The following MAD1L1 variants were observed in gnomAD, a reference collection of about 807,000 sequenced individuals.
The protein encoded by MAD1L1 is mitotic spindle assembly checkpoint protein MAD1.
Under a neutral mutation model 96.9 loss-of-function variants are expected in MAD1L1, and 95 were observed. That is an observed-to-expected ratio of 0.98 (90% CI 0.83 to 1.16). The LOEUF (loss-of-function observed/expected upper bound fraction) is 1.16. Among genes scored for constraint, MAD1L1 ranks in the 50% most tolerant of loss-of-function variants. MAD1L1 has a pLI of 0.00. For missense variants in MAD1L1, 1,007 were observed against 954.4 expected (o/e 1.06, Z -0.73); for synonymous variants, 473 against 396.6 (o/e 1.19, Z -2.29).
chr7:2,019,668 C>G (rs557785440), intron 12 of MAD1L1, among the ~76,000 whole-genome samples: 5 of 152,116 alleles, frequency 3.3e-5, no homozygotes, highest in East Asian at 1.9e-4. Context: ...AGCCACCCCC[C>G]ACACAAGGCC....
intron 17 of MAD1L1, among the ~76,000 whole-genome samples, chr7:1,900,747 T>A (rs181582295): frequency 6.6e-6 from 1 of 151,428 alleles, no homozygotes; most frequent in East Asian, 1.9e-4. Flanking sequence ...AGGGGAAGAA[T>A]TAGATTTTGG....
intron 12 of MAD1L1, among the ~76,000 whole-genome samples, chr7:2,066,271 G>T (rs1318040197): frequency 6.6e-6 from 1 of 152,208 alleles, no homozygotes; most frequent in Admixed American, 6.5e-5. Flanking sequence ...CACCCCAGCT[G>T]GGCGGGCTGC....
Position 1,815,973 on chromosome 7 carries a change from A to T in MAD1L1, c.*97T>A. On this transcript the variant is annotated 3_prime_UTR_variant, in exon 19 of 19. Coordinates refer to ENST00000265854, the MANE Select transcript of MAD1L1 (RefSeq NM_001013836.2). ...TCATGCTGCTGCCCTGTGGGGCTGG[A>T]GAGGCAGGACGTGCACCCAGCCTGT... 7.4e-7 allele frequency: 1 copy of T among 1,355,206 alleles called. No individual in the cohort carries two copies. The highest frequency in any genetic ancestry group is 9.9e-7 in the Non-Finnish European group (1 of 1,008,324). 83.9% of individuals were successfully genotyped at this position (1,355,206 alleles called of 1,614,324 possible).
chr7:2,065,127 C>T (rs750807415), intron 12 of MAD1L1, among the ~76,000 whole-genome samples: 3 of 152,244 alleles, frequency 2.0e-5, no homozygotes, highest in Non-Finnish European at 2.9e-5. Context: ...GCAGGAAGAA[C>T]ATGGAACTCT....
intron 11 of MAD1L1, among the ~76,000 whole-genome samples, chr7:2,137,245 A>C (rs1040838138): frequency 6.6e-6 from 1 of 152,228 alleles, no homozygotes; most frequent in Non-Finnish European, 1.5e-5. Context: ...AACAACATTC[A>C]AGTAGTATTC....
rs190799025 is a variant in MAD1L1 at position 1,975,550 on chromosome 7, G to A, written c.1505+4903C>T. The stretch of plus-strand genomic sequence containing the variant: ...TTGGCAGGCAGGGACTGTCTTTCCA[G>A]TTACCTCTATGTAGTTTCATGAGGG... On this transcript the variant is annotated intron_variant, in intron 15 of 18. Transcript: ENST00000265854. 6.6e-5 allele frequency among the ~76,000 whole-genome samples: 10 copies of A among 152,330 alleles called. No homozygotes were observed. In the East Asian group the frequency reaches 1.7e-3, roughly 26 times the overall value.
intron 10 of MAD1L1, among the ~76,000 whole-genome samples, chr7:2,206,577 TG>T (rs1397294244): frequency 5.3e-5 from 8 of 152,246 alleles, no homozygotes; most frequent in Non-Finnish European, 1.2e-4. Context: ...CTGGACACTT[TG>T]ACAACAATCA....
intron 12 of MAD1L1, among the ~76,000 whole-genome samples, chr7:2,020,949 G>C (rs1465659385): frequency 6.6e-6 from 1 of 151,966 alleles, no homozygotes; most frequent in African/African-American, 2.4e-5. Flanking sequence ...AACATATGCA[G>C]AAAGTATAGG....
intron 12 of MAD1L1, among the ~76,000 whole-genome samples, chr7:2,038,329 G>A (rs1371429140): frequency 6.6e-6 from 1 of 152,108 alleles, no homozygotes. Context: ...CCAGCTAAGA[G>A]CACCAATGAA....
intron 3 of MAD1L1, among the ~76,000 whole-genome samples, chr7:2,226,664 C>G (rs896458338): frequency 3.3e-5 from 5 of 152,290 alleles, no homozygotes; most frequent in Non-Finnish European, 5.9e-5. Context: ...AATGCAGAGT[C>G]GCAGACTACA....
At chr7:1,834,679 G>C (rs1056841395) in intron 18 of MAD1L1, among the ~76,000 whole-genome samples, 7 of 152,182 alleles carry the variant, frequency 4.6e-5, no homozygotes, top group South Asian at 2.1e-4. Flanking sequence ...CGATGAATTG[G>C]ATCAACTATT....
At chr7:2,002,044 C>T (rs957307025) in intron 14 of MAD1L1, 21 bp downstream of exon 14, 6 of 1,612,708 alleles carry the variant, frequency 3.7e-6, no homozygotes, top group African/African-American at 2.7e-5. Context: ...TGAATCCCAG[C>T]CACTCCCGCG....
chr7:2,184,117 T>C (rs989953879), intron 10 of MAD1L1, among the ~76,000 whole-genome samples: 4 of 151,864 alleles, frequency 2.6e-5, no homozygotes, highest in African/African-American at 9.7e-5. Context: ...CCAGGCGTGG[T>C]GGCGGGCGCC....
At chr7:2,132,006 C>T (rs1788532012) in intron 11 of MAD1L1, among the ~76,000 whole-genome samples, 1 of 152,182 alleles carries the variant, frequency 6.6e-6, no homozygotes, top group African/African-American at 2.4e-5. Context: ...GGCGCTGCCT[C>T]CTGACGCTCA....
At chr7:2,030,412 G>C (rs966085062) in intron 12 of MAD1L1, among the ~76,000 whole-genome samples, 1 of 152,222 alleles carries the variant, frequency 6.6e-6, no homozygotes, top group Admixed American at 6.5e-5. Flanking sequence ...ATAGCAGCTC[G>C]AACAAAGCAC....
At position 2,138,170 on chromosome 7, in the gene MAD1L1, G is replaced by T. The variant is rs1462322048; in HGVS notation, c.1073+10982C>A. Among the ~76,000 whole-genome samples, 3 of 152,238 alleles carry T rather than the reference G, an allele frequency of 2.0e-5. No homozygotes were observed. The East Asian group carries it at 5.8e-4, about 29-fold the overall frequency. On this transcript the variant is annotated intron_variant, in intron 11 of 18. Transcript: ENST00000265854. ...CTGCTGTTACAAAGGGTTTCATGGG[G>T]GTGGGAGGAAATGCCAGCTTTTTTT...
chr7:2,167,818 G>A (rs1790513181), intron 10 of MAD1L1, among the ~76,000 whole-genome samples: 1 of 150,298 alleles, frequency 6.7e-6, no homozygotes, highest in African/African-American at 2.5e-5. Context: ...GGAGGATCGT[G>A]TAAGCCAGGA....
At chr7:2,122,066 G>A (rs1166420320) in intron 11 of MAD1L1, among the ~76,000 whole-genome samples, 1 of 152,190 alleles carries the variant, frequency 6.6e-6, no homozygotes, top group Non-Finnish European at 1.5e-5. Context: ...AAGGCCTTGA[G>A]TTTTAAAAGT....
At chr7:2,173,029 T>C (rs550226585) in intron 10 of MAD1L1, among the ~76,000 whole-genome samples, 1 of 152,220 alleles carries the variant, frequency 6.6e-6, no homozygotes, top group Non-Finnish European at 1.5e-5. Context: ...GTATACGTAT[T>C]CCTCGTGAAG....
Sources: allele counts gnomAD v4.1 joint callset (sites outside exome capture counted in the v4.1 genomes callset), GRCh38; gene constraint gnomAD v4.1.1; transcripts MANE v1.5; gene names NCBI Gene and HGNC (gene_info 2026-07-23, HGNC 2026-07-21).